Variants in PTPRT observed in about 807,000 individuals in gnomAD.
The protein encoded by PTPRT is receptor-type tyrosine-protein phosphatase T.
Under a neutral mutation model 176.8 loss-of-function variants are expected in PTPRT, and 56 were observed. The ratio of observed to expected loss-of-function variants is 0.32; its 90% CI spans 0.26 to 0.40. The LOEUF is 0.40. Among genes scored for constraint, PTPRT ranks in the 10% least tolerant of loss-of-function variants. The pLI is 1.00. For missense variants in PTPRT, 1,540 were observed against 1,908.2 expected (o/e 0.81, Z 3.60); for synonymous variants, 783 against 739.0 (o/e 1.06, Z -0.96).
chr20:42,273,859 G>A (rs2056981495), intron 13 of PTPRT, among the ~76,000 whole-genome samples: 1 of 152,254 alleles, frequency 6.6e-6, no homozygotes, highest in South Asian at 2.1e-4. Flanking sequence ...TAAAGCCTTA[G>A]TTGGGTTGGT....
At chr20:42,139,726 C>G (rs1394247115) in intron 18 of PTPRT, among the ~76,000 whole-genome samples, 1 of 152,200 alleles carries the variant, frequency 6.6e-6, no homozygotes, top group Admixed American at 6.5e-5. Flanking sequence ...CAGGCATAGG[C>G]TTTATCAGAT....
intron 8 of PTPRT, among the ~76,000 whole-genome samples, chr20:42,459,645 T>G (rs1194472537): frequency 1.3e-5 from 2 of 152,206 alleles, no homozygotes; most frequent in African/African-American, 4.8e-5. Context: ...TGCTGCTTTG[T>G]ACAAAGCCAG....
Position 42,101,889 on chromosome 20 carries a change from C to T in PTPRT, c.3714+235G>A, listed in dbSNP as rs140379703. 1.1e-3 allele frequency among the ~76,000 whole-genome samples: 175 copies of T among 152,352 alleles called. 2 individuals carry two copies. The highest frequency in any genetic ancestry group is 3.5e-3 in the African/African-American group (144 of 41,582). On this transcript the variant is annotated intron_variant, in intron 26 of 30. Coordinates refer to ENST00000373187, the MANE Select transcript of PTPRT (RefSeq NM_007050.6). ...CCATGGTGACACGGGAGCCACCTTA[C>T]GCTTCTGGTCTATTCTTTCCAGGCT...
chr20:42,146,083 G>A (rs1600586854), intron 17 of PTPRT, among the ~76,000 whole-genome samples: 1 of 152,110 alleles, frequency 6.6e-6, no homozygotes, highest in East Asian at 1.9e-4. Flanking sequence ...TCTCTAGGTG[G>A]AAGATGCTTC....
At chr20:42,423,731 TA>T in intron 9 of PTPRT, among the ~76,000 whole-genome samples, 1 of 152,346 alleles carries the variant, frequency 6.6e-6, no homozygotes, top group South Asian at 2.1e-4. Context: ...CCATAATGGA[TA>T]AATGTTAGAG....
At chr20:42,453,780 C>T (rs1473526217) in intron 8 of PTPRT, among the ~76,000 whole-genome samples, 4 of 151,148 alleles carry the variant, frequency 2.6e-5, no homozygotes, top group Non-Finnish European at 5.9e-5. Context: ...AAGTGATTCT[C>T]CTGTCTCAGC....
chr20:43,045,747 GCCA>G (rs2146221730), intron 1 of PTPRT, among the ~76,000 whole-genome samples: 1 of 151,770 alleles, frequency 6.6e-6, no homozygotes, highest in East Asian at 1.9e-4. Flanking sequence ...ACAGGTGTGA[GCCA>G]CCACACCTGG....
intron 18 of PTPRT, 50 bp downstream of exon 18, chr20:42,141,865 C>T: frequency 1.3e-6 from 2 of 1,489,186 alleles, no homozygotes; most frequent in Non-Finnish European, 9.4e-7. Flanking sequence ...GCCTCTTTTC[C>T]CCTGCATCCT....
At chr20:42,968,231 T>C (rs1982414188) in intron 1 of PTPRT, among the ~76,000 whole-genome samples, 1 of 152,224 alleles carries the variant, frequency 6.6e-6, no homozygotes, top group Non-Finnish European at 1.5e-5. Flanking sequence ...CATCCCATTG[T>C]CGATAGCCCA....
intron 8 of PTPRT, among the ~76,000 whole-genome samples, chr20:42,456,762 CA>C (rs907918896): frequency 1.3e-5 from 2 of 152,048 alleles, no homozygotes; most frequent in Non-Finnish European, 2.9e-5. Flanking sequence ...TATTTGCATA[CA>C]TTTTTTTCTC....
At chr20:42,734,686 C>T (rs969076886) in intron 6 of PTPRT, among the ~76,000 whole-genome samples, 16 of 152,194 alleles carry the variant, frequency 1.1e-4, no homozygotes, top group African/African-American at 3.1e-4. Flanking sequence ...TCTTGATGTA[C>T]GCAGATACTT....
the PTPRT span, among the ~76,000 whole-genome samples, chr20:42,054,678 T>A: frequency 6.6e-6 from 1 of 152,170 alleles, no homozygotes; most frequent in Non-Finnish European, 1.5e-5. Flanking sequence ...TACCTTCCAT[T>A]CCAGCTCCCC....
chr20:42,804,669 C>T (rs1189926719), intron 2 of PTPRT, among the ~76,000 whole-genome samples: 4 of 152,244 alleles, frequency 2.6e-5, no homozygotes, highest in African/African-American at 7.2e-5. Flanking sequence ...ATCAAGGTGT[C>T]AGCAGGGTTG....
intron 15 of PTPRT, among the ~76,000 whole-genome samples, chr20:42,222,676 G>A (rs62208709): frequency 2.6e-5 from 4 of 152,176 alleles, no homozygotes; most frequent in African/African-American, 7.2e-5. Flanking sequence ...GTGGTGCCCC[G>A]GGGAGGTTAT....
chr20:42,300,976 G>C (rs147645563), intron 12 of PTPRT, among the ~76,000 whole-genome samples: 1 of 151,190 alleles, frequency 6.6e-6, no homozygotes, highest in Non-Finnish European at 1.5e-5. Context: ...GGGGAAGGGG[G>C]AGGGATAGCA....
intron 8 of PTPRT, among the ~76,000 whole-genome samples, chr20:42,468,624 T>A (rs1237054860): frequency 6.6e-6 from 1 of 152,232 alleles, no homozygotes; most frequent in Non-Finnish European, 1.5e-5. Context: ...TAAAGGCTTT[T>A]TTTTCTTGGT....
At chr20:42,343,799 A>G (rs1341362841) in intron 11 of PTPRT, among the ~76,000 whole-genome samples, 1 of 152,254 alleles carries the variant, frequency 6.6e-6, no homozygotes, top group Admixed American at 6.5e-5. Context: ...CACAGCAGAT[A>G]GGCATTGGCT....
intron 7 of PTPRT, among the ~76,000 whole-genome samples, chr20:42,569,111 T>TATATATATATATATAA (rs2073107164): frequency 1.0e-5 from 1 of 98,448 alleles, no homozygotes; most frequent in Non-Finnish European, 2.0e-5. Context: ...TATATATATA[T>TATATATATATATATAA]AATTTCAACT....
intron 2 of PTPRT, among the ~76,000 whole-genome samples, chr20:42,862,829 ACTGG>A (rs1271451300): frequency 6.6e-6 from 1 of 152,138 alleles, no homozygotes; most frequent in African/African-American, 2.4e-5. Context: ...CCTCTTAGGG[ACTGG>A]GTGGGTAAGC....
Sources: allele counts gnomAD v4.1 joint callset (sites outside exome capture counted in the v4.1 genomes callset), GRCh38; gene constraint gnomAD v4.1.1; transcripts MANE v1.5; gene names NCBI Gene and HGNC (gene_info 2026-07-23, HGNC 2026-07-21).